Variants in NCOA2 observed in about 807,000 individuals in gnomAD.
NCOA2 encodes the protein nuclear receptor coactivator 2.
NCOA2 carries 21 observed loss-of-function variants against 145.1 expected under a neutral mutation model. That is an observed-to-expected ratio of 0.14 (90% confidence interval 0.10 to 0.21). The LOEUF is 0.21. Ranked by LOEUF, NCOA2 falls within the 10% of genes least tolerant of loss-of-function variation. NCOA2 has a pLI of 1.00. For missense variants in NCOA2, 1,472 were observed against 1,837.6 expected (o/e 0.80, Z 3.64); for synonymous variants, 619 against 637.5 (o/e 0.97, Z 0.44).
the NCOA2 span, among the ~76,000 whole-genome samples, chr8:70,440,664 GGA>G: frequency 3.3e-4 from 47 of 142,534 alleles, 1 homozygote; most frequent in African/African-American, 1.2e-3. Flanking sequence ...AAAGAAAGAG[GGA>G]GAGAGAGAAA....
intron 1 of NCOA2, among the ~76,000 whole-genome samples, chr8:70,383,001 AT>A (rs1322968730): frequency 6.6e-6 from 1 of 152,236 alleles, no homozygotes; most frequent in East Asian, 1.9e-4. Flanking sequence ...CTATTTCAAG[AT>A]TAAAAACAAA....
intron 2 of NCOA2, among the ~76,000 whole-genome samples, chr8:70,244,702 A>G (rs1408756791): frequency 6.6e-6 from 1 of 152,178 alleles, no homozygotes; most frequent in Non-Finnish European, 1.5e-5. Context: ...TAAAAAATTA[A>G]GATTCTCCTC....
intron 2 of NCOA2, among the ~76,000 whole-genome samples, chr8:70,285,709 T>C (rs974098084): frequency 5.9e-5 from 9 of 152,228 alleles, no homozygotes; most frequent in African/African-American, 2.2e-4. Context: ...ATTGCTTCTG[T>C]ATACCTAAAA....
At chr8:70,427,992 T>C in the NCOA2 span, among the ~76,000 whole-genome samples, 1 of 152,272 alleles carries the variant, frequency 6.6e-6, no homozygotes, top group Non-Finnish European at 1.5e-5. Context: ...TGAGGTTTTT[T>C]TTAAGTGAAA....
At chr8:70,432,390 G>T in the NCOA2 span, among the ~76,000 whole-genome samples, 1 of 152,196 alleles carries the variant, frequency 6.6e-6, no homozygotes, top group African/African-American at 2.4e-5. Context: ...GGCTGGACAC[G>T]GTGGCTCATG....
chr8:70,416,674 G>T, the NCOA2 span, among the ~76,000 whole-genome samples: 1 of 152,242 alleles, frequency 6.6e-6, no homozygotes, highest in African/African-American at 2.4e-5. Context: ...GATTCTGGAA[G>T]TTGGAAAGTC....
intron 1 of NCOA2, among the ~76,000 whole-genome samples, chr8:70,338,362 C>A (rs978272084): frequency 1.3e-5 from 2 of 152,082 alleles, no homozygotes; most frequent in African/African-American, 4.8e-5. Context: ...AATTCCTGGA[C>A]ACATACACCC....
At position 70,174,746 on chromosome 8, in the gene NCOA2, G is replaced by T; in HGVS notation, c.363+10C>A. 1 of 1,604,328 alleles carries T rather than the reference G, an allele frequency of 6.2e-7. No homozygotes were observed. The highest frequency in any genetic ancestry group is 8.5e-7 in the Non-Finnish European group (1 of 1,171,232). ...TTTTAAAATACAGCACTAAAATGAA[G>T]ATGTGCTACCTCAAGCATCATAGGC... On this transcript the variant is annotated intron_variant, in intron 5 of 22. Transcript: ENST00000452400.
intron 11 of NCOA2, among the ~76,000 whole-genome samples, chr8:70,150,477 T>G (rs1811613185): frequency 6.6e-6 from 1 of 152,188 alleles, no homozygotes; most frequent in Non-Finnish European, 1.5e-5. Flanking sequence ...ATGTTCACAC[T>G]ATTAGAGCCA....
intron 1 of NCOA2, among the ~76,000 whole-genome samples, chr8:70,381,929 T>C (rs1812226944): frequency 6.6e-6 from 1 of 152,142 alleles, no homozygotes; most frequent in Admixed American, 6.5e-5. Context: ...TCAGGTATTA[T>C]TACATGAGAC....
intron 9 of NCOA2, 128 bp downstream of exon 9, chr8:70,162,583 C>G: frequency 1.1e-6 from 1 of 931,052 alleles, no homozygotes; most frequent in Admixed American, 3.0e-5. Flanking sequence ...GATGGCAACA[C>G]TGGGGCCAGA....
At chr8:70,348,337 A>C (rs1586563063) in intron 1 of NCOA2, among the ~76,000 whole-genome samples, 1 of 152,240 alleles carries the variant, frequency 6.6e-6, no homozygotes, top group East Asian at 1.9e-4. Context: ...GTAGTAAGGG[A>C]AAGACAAGCC....
intron 22 of NCOA2, among the ~76,000 whole-genome samples, chr8:70,118,684 G>A (rs562928010): frequency 6.6e-6 from 1 of 151,008 alleles, no homozygotes; most frequent in Non-Finnish European, 1.5e-5. Flanking sequence ...TCTACTGGGG[G>A]AGGATTTTTT....
chr8:70,439,794 C>T, the NCOA2 span, among the ~76,000 whole-genome samples: 3 of 152,186 alleles, frequency 2.0e-5, no homozygotes, highest in Non-Finnish European at 4.4e-5. Context: ...ATCAAGCCTG[C>T]ATGGACTCTA....
At chr8:70,343,306 T>C (rs1808311686) in intron 1 of NCOA2, among the ~76,000 whole-genome samples, 1 of 152,098 alleles carries the variant, frequency 6.6e-6, no homozygotes, top group South Asian at 2.1e-4. Flanking sequence ...ATATCCTTCC[T>C]AGAAGGTCAC....
intron 11 of NCOA2, 23 bp from the exon 12 acceptor site, chr8:70,148,506 T>G: frequency 1.9e-6 from 3 of 1,607,678 alleles, no homozygotes; most frequent in Non-Finnish European, 2.5e-6. Flanking sequence ...AACAGAAGAG[T>G]TTATCCAGTC....
intron 15 of NCOA2, 51 bp from the exon 16 acceptor site, chr8:70,132,053 G>C: frequency 1.9e-6 from 3 of 1,551,572 alleles, no homozygotes; most frequent in East Asian, 2.3e-5. Context: ...TAGTTGATTA[G>C]AGAACAAATT....
At chr8:70,238,163 C>CGT (rs753448395) in intron 2 of NCOA2, among the ~76,000 whole-genome samples, 3 of 151,574 alleles carry the variant, frequency 2.0e-5, no homozygotes, top group Non-Finnish European at 4.4e-5. Context: ...CGCGCGCGCG[C>CGT]GTGTGTGTGT....
chr8:70,376,275 T>C (rs1174178463), intron 1 of NCOA2, among the ~76,000 whole-genome samples: 1 of 152,138 alleles, frequency 6.6e-6, no homozygotes, highest in Non-Finnish European at 1.5e-5. Flanking sequence ...GTCAGTCTCC[T>C]TCGGGGAGAG....
Sources: allele counts gnomAD v4.1 joint callset (sites outside exome capture counted in the v4.1 genomes callset), GRCh38; gene constraint gnomAD v4.1.1; transcripts MANE v1.5; gene names NCBI Gene and HGNC (gene_info 2026-07-23, HGNC 2026-07-21).